CYP27A1: variants seen among roughly 807,000 people sequenced by gnomAD.
The protein encoded by CYP27A1 is cytochrome P450 family 27 subfamily A member 1.
A neutral mutation model predicts 58.2 loss-of-function variants in CYP27A1; 46 were observed. The observed-to-expected ratio is 0.79, with a 90% CI of 0.62 to 1.01. CYP27A1 has a LOEUF of 1.01. Among genes scored for constraint, CYP27A1 ranks in the 50% least tolerant of loss-of-function variants. The pLI is 0.00. For missense variants in CYP27A1, 704 were observed against 687.0 expected, an observed-to-expected ratio of 1.02 and a Z score of -0.28; for synonymous variants, 274 against 285.1, an observed-to-expected ratio of 0.96 and a Z score of 0.39.
At chr2:218,783,095 A>G (rs938849090) in intron 1 of CYP27A1, among the ~76,000 whole-genome samples, 3 of 151,922 alleles carry the variant, frequency 2.0e-5, no homozygotes, top group Non-Finnish European at 4.4e-5. Context: ...CATCTCTACT[A>G]AAAATACAAA....
At chr2:218,795,776 T>C (rs543878975) in intron 1 of CYP27A1, among the ~76,000 whole-genome samples, 1 of 152,342 alleles carries the variant, frequency 6.6e-6, no homozygotes, top group Admixed American at 6.5e-5. Context: ...CCAGTCCTCA[T>C]TTTTGTTAAA....
At chr2:218,799,028 A>T (rs909327398) in intron 1 of CYP27A1, among the ~76,000 whole-genome samples, 5 of 152,212 alleles carry the variant, frequency 3.3e-5, no homozygotes, top group African/African-American at 1.2e-4. Flanking sequence ...AAGGGGAATG[A>T]ATCTGCCTCC....
chr2:218,782,903 A>G lies in CYP27A1; in HGVS notation c.255+466A>G, dbSNP rs1943407402. On this transcript the variant is annotated intron_variant, in intron 1 of 8. Transcript: ENST00000258415. This position sits in a 1 kb window ranked among gnomAD's most constrained non-coding sequence, Gnocchi z 4.1. ...CTCTTAGGGGAAAACACAATGCTGC[A>G]TCTCAGATCGTGGAAGCAAACTCAC... 6.6e-6 allele frequency among the ~76,000 whole-genome samples: 1 copy of G among 152,204 alleles called. No individual in the cohort carries two copies. The highest frequency in any genetic ancestry group is 6.5e-5 in the Admixed American group (1 of 15,274).
intron 1 of CYP27A1, among the ~76,000 whole-genome samples, chr2:218,801,709 T>C (rs1943601505): frequency 6.6e-6 from 1 of 152,188 alleles, no homozygotes; most frequent in Non-Finnish European, 1.5e-5. Context: ...ATAGATATAC[T>C]ATTTATATTT....
At chr2:218,807,324 A>AAGGAAAAAAACAAAACTCACTCAC (rs1943662450) in intron 1 of CYP27A1, among the ~76,000 whole-genome samples, 1 of 152,116 alleles carries the variant, frequency 6.6e-6, no homozygotes, top group Non-Finnish European at 1.5e-5. Context: ...AGCAACCTTT[A>AAGGAAAAAAACAAAACTCACTCAC]AGGAAAAAAA....
chr2:218,808,843 A>G (rs1050906128), intron 1 of CYP27A1, among the ~76,000 whole-genome samples: 8 of 152,212 alleles, frequency 5.3e-5, no homozygotes, highest in African/African-American at 1.9e-4. Flanking sequence ...AATTTCATAG[A>G]GGCCGTGGAT....
chr2:218,812,181 ATAGAGGCTTAT>A, intron 2 of CYP27A1, 30 bp from the exon 3 acceptor site: 4 of 1,533,120 alleles, frequency 2.6e-6, no homozygotes, highest in Non-Finnish European at 3.6e-6. Flanking sequence ...TTGAACCCCC[ATAGAGGCTTAT>A]CTTTGTGCTG....
intron 4 of CYP27A1, 41 bp from the exon 5 acceptor site, chr2:218,812,883 C>A (rs1411186307): frequency 6.2e-7 from 1 of 1,613,782 alleles, no homozygotes; most frequent in Admixed American, 1.7e-5. Context: ...GAGATCATGA[C>A]TTTTGGCTTT....
At chr2:218,798,830 C>T (rs969048965) in intron 1 of CYP27A1, among the ~76,000 whole-genome samples, 2 of 152,168 alleles carry the variant, frequency 1.3e-5, no homozygotes, top group African/African-American at 2.4e-5. Context: ...TTGTAGTGAG[C>T]TGAGATTGTG....
Position 218,815,148 on chromosome 2 carries a change from G to A in CYP27A1, c.*118G>A. On this transcript the variant is annotated 3_prime_UTR_variant, in exon 9 of 9. Coordinates refer to ENST00000258415, the MANE Select transcript of CYP27A1 (RefSeq NM_000784.4). ...AGAAGGAGGCCGCCAGACTCGAGAG[G>A]TGGGAGGAACTCCTTGCACACACCC... 1 of 1,283,472 alleles carries A rather than the reference G, an allele frequency of 7.8e-7. No homozygotes were observed. 79.5% of individuals were successfully genotyped at this position (1,283,472 alleles called of 1,614,324 possible). A position where few individuals can be genotyped will look rare whatever the true frequency, so the allele number is the denominator to read the frequency against.
At chr2:218,799,607 A>G (rs1005220273) in intron 1 of CYP27A1, among the ~76,000 whole-genome samples, 4 of 151,906 alleles carry the variant, frequency 2.6e-5, no homozygotes, top group Non-Finnish European at 2.9e-5. Flanking sequence ...CTTTGAGTCT[A>G]TTTTTCCTTT....
At chr2:218,787,591 AGGTG>A (rs1409774177) in intron 1 of CYP27A1, among the ~76,000 whole-genome samples, 2 of 152,224 alleles carry the variant, frequency 1.3e-5, no homozygotes, top group African/African-American at 4.8e-5. Context: ...CAGTGTTGAC[AGGTG>A]GGACCTTTAA....
chr2:218,813,046 C>T lies in CYP27A1; in HGVS notation c.967C>T (p.Arg323Trp), dbSNP rs371603253. ...ACTGGCCAGTGGACAGCTCAGTCCT[C>T]GGGAGGCCATGGGCAGCCTGCCTGA... ...FLLASGQLSP[R>W]EAMGSLPELL... The change falls in exon 5 of 9, where the codon CGG (arginine) becomes TGG (tryptophan). Residue 323 changes from arginine (R) to tryptophan (W), a missense_variant. Physicochemically the swap from Arg to Trp is moderately radical, Grantham distance 101. Coordinates refer to ENST00000258415, the MANE Select transcript of CYP27A1 (RefSeq NM_000784.4). 7.0e-5 allele frequency: 113 copies of T among 1,614,116 alleles called. No homozygotes were observed. Among genetic ancestry groups the T allele is most frequent in the Middle Eastern group, 3.3e-4 (2 of 6,060 alleles).
intron 3 of CYP27A1, 45 bp downstream of exon 3, chr2:218,812,466 A>T: frequency 6.2e-7 from 1 of 1,612,288 alleles, no homozygotes; most frequent in South Asian, 1.1e-5. Context: ...TGGGTCAGGG[A>T]GAGGTTGTGC....
Position 218,814,717 on chromosome 2 carries a change from G to T in CYP27A1, c.1436G>T (p.Arg479Leu), listed in dbSNP as rs199638075. The T allele has an allele frequency of 1.8e-5, 29 of 1,614,044 alleles. No homozygotes were observed. The highest frequency in any genetic ancestry group is 2.7e-5 in the African/African-American group (2 of 74,914). ...TATGGGGTCCGGGCCTGCCTGGGCC[G>T]CAGGATTGCAGAGCTGGAGATGCAG... is the stretch of plus-strand genomic sequence containing the variant. ...FGYGVRACLG[R>L]RIAELEMQLL... Residue 479 changes from arginine to leucine, a missense_variant, in exon 8 of 9, where the codon CGC becomes CTC. Physicochemically the swap from Arg to Leu is moderately radical, Grantham distance 102. Transcript: ENST00000258415.
chr2:218,794,679 C>G (rs1447366622), intron 1 of CYP27A1, among the ~76,000 whole-genome samples: 3 of 152,154 alleles, frequency 2.0e-5, no homozygotes, highest in African/African-American at 7.2e-5. Flanking sequence ...GGGAAATTAA[C>G]TTTTCCCAGT....
At chr2:218,806,174 T>A (rs1943648846) in intron 1 of CYP27A1, among the ~76,000 whole-genome samples, 1 of 152,242 alleles carries the variant, frequency 6.6e-6, no homozygotes, top group Non-Finnish European at 1.5e-5. Flanking sequence ...GCTGTTCAGA[T>A]TTTTATTAAA....
chr2:218,815,094 C>T lies in CYP27A1; in HGVS notation c.*64C>T, dbSNP rs1943776988. 2.5e-6 allele frequency: 4 copies of T among 1,605,894 alleles called. No homozygotes were observed. The highest frequency in any genetic ancestry group is 2.6e-6 in the Non-Finnish European group (3 of 1,173,778). On this transcript the variant is annotated 3_prime_UTR_variant, in exon 9 of 9. Transcript: ENST00000258415. ...CCAGCTCTGGCACAGTGGTTCCTGGCTGCTGCCATGTCTCAGATGAGGAGG... is the reference window on the plus strand; with the variant it reads ...CCAGCTCTGGCACAGTGGTTCCTGGTTGCTGCCATGTCTCAGATGAGGAGG...
intron 1 of CYP27A1, among the ~76,000 whole-genome samples, chr2:218,798,389 G>A (rs1227430199): frequency 1.3e-5 from 2 of 152,210 alleles, no homozygotes; most frequent in African/African-American, 2.4e-5. Flanking sequence ...TCAATTACAT[G>A]TTATAATGGT....
Sources: gnomAD v4.1 joint callset for allele counts (sites outside exome capture counted in the v4.1 genomes callset) on GRCh38, gnomAD v4.1.1 for gene constraint, Gnocchi (gnomAD v3.1) non-coding constraint, MANE v1.5 for transcripts, NCBI Gene and HGNC (gene_info 2026-07-23, HGNC 2026-07-21) for gene names.